GIGYF2: variants seen among roughly 807,000 people sequenced by gnomAD.
GIGYF2 encodes the protein GRB10-interacting GYF protein 2.
Under a neutral mutation model 208.1 loss-of-function variants are expected in GIGYF2, and 25 were observed. The observed-to-expected ratio is 0.12, with a 90% CI of 0.09 to 0.17. The LOEUF (loss-of-function observed/expected upper bound fraction) is 0.17, where lower values mean the gene tolerates loss of function less well. Among genes scored for constraint, GIGYF2 ranks in the 10% least tolerant of loss-of-function variants. The pLI is 1.00. For missense variants in GIGYF2, 1,302 were observed against 1,579.4 expected (o/e 0.82, Z 2.98); for synonymous variants, 534 against 543.8 (o/e 0.98, Z 0.25).
chr2:232,704,206 A>C (rs2106243871), intron 2 of GIGYF2, among the ~76,000 whole-genome samples: 1 of 152,244 alleles, frequency 6.6e-6, no homozygotes, highest in South Asian at 2.1e-4. Flanking sequence ...TAGAATGGTG[A>C]CTATTCTAGG....
At chr2:232,768,949 T>C in intron 8 of GIGYF2, 1 of 712,248 alleles carries the variant, frequency 1.4e-6, no homozygotes, top group Non-Finnish European at 2.3e-6. Context: ...ATTGAACTCA[T>C]TGTTAATTTG....
intron 2 of GIGYF2, among the ~76,000 whole-genome samples, chr2:232,721,221 C>G (rs1020142172): frequency 6.6e-6 from 1 of 152,186 alleles, no homozygotes; most frequent in Non-Finnish European, 1.5e-5. Flanking sequence ...TCCACTATGC[C>G]ATGCATTCCT....
intron 2 of GIGYF2, among the ~76,000 whole-genome samples, chr2:232,709,420 C>G (rs1282146725): frequency 6.6e-6 from 1 of 152,182 alleles, no homozygotes; most frequent in Non-Finnish European, 1.5e-5. Context: ...AACTCCTGAG[C>G]TAAAGTGATT....
intron 21 of GIGYF2, among the ~76,000 whole-genome samples, chr2:232,824,714 G>A (rs1374246449): frequency 6.6e-6 from 1 of 152,180 alleles, no homozygotes; most frequent in African/African-American, 2.4e-5. Flanking sequence ...CATTGATGAA[G>A]GTGGTTGCAC....
chr2:232,749,884 T>C (rs145954937), intron 5 of GIGYF2, among the ~76,000 whole-genome samples: 381 of 152,198 alleles, frequency 2.5e-3, no homozygotes, highest in African/African-American at 8.3e-3. Flanking sequence ...CTATGAAATT[T>C]TGAACGACAA....
intron 8 of GIGYF2, among the ~76,000 whole-genome samples, chr2:232,774,690 AT>A (rs1699437873): frequency 6.6e-6 from 1 of 152,168 alleles, no homozygotes; most frequent in South Asian, 2.1e-4. Flanking sequence ...CTATGTGAAA[AT>A]GCCCCTCATG....
rs1479877455 is a variant in GIGYF2, at chr2:232,836,351, TATATATATAAATATAA to T, written c.2766+3300_2766+3315del. ...ATATACATATATATACTTATATATT[TATATATATAAATATAA>T]ATATATATAAATATAAATATATATA... On this transcript the variant is annotated intron_variant, in intron 22 of 28. Coordinates refer to ENST00000373563, the MANE Select transcript of GIGYF2 (RefSeq NM_001103146.3). Among the ~76,000 whole-genome samples, 279 of 35,882 alleles carry T rather than the reference TATATATATAAATATAA, an allele frequency of 7.8e-3. 50 individuals are homozygous for T. Among genetic ancestry groups the T allele is most frequent in the African/African-American group, 0.01 (81 of 8,016 alleles). The allele number at this position is 35,882 out of a possible 152,430, so 23.5% of individuals were successfully genotyped here.
rs779495625 is a variant in GIGYF2 at position 232,856,780 on chromosome 2, T to TA, written c.3833-13_3833-12insA. The TA allele has an allele frequency of 6.2e-7, 1 of 1,606,898 alleles. No homozygotes were observed. The highest frequency in any genetic ancestry group is 8.5e-7 in the Non-Finnish European group (1 of 1,173,386). On this transcript the variant is annotated splice_polypyrimidine_tract_variant and intron_variant, in intron 28 of 28. Transcript: ENST00000373563. ...CTGGGTGTGGTCACTCATAGCCAGT[T>TA]TTTTTTCTGCAGGATTTTCAGTCAA...
chr2:232,769,505 C>CAAAAAA (rs34912964), intron 8 of GIGYF2, among the ~76,000 whole-genome samples: 1 of 66,522 alleles, frequency 1.5e-5, no homozygotes, highest in Non-Finnish European at 3.2e-5. Context: ...GACTCCATCT[C>CAAAAAA]AAAAAAAAAA....
chr2:232,844,444 T>C lies in GIGYF2; in HGVS notation c.3175T>C (p.Ser1059Pro). The C allele has an allele frequency of 2.5e-6, 4 of 1,612,788 alleles. No homozygotes were observed. The highest frequency in any genetic ancestry group is 1.3e-5 in the African/African-American group (1 of 75,036). Residue 1059 changes from serine (S) to proline (P), a missense_variant, in exon 25 of 29, where the codon TCT (serine) becomes CCT (proline). Physicochemically the swap from Ser to Pro is moderately conservative, Grantham distance 74 (BLOSUM62 -1). Coordinates refer to ENST00000373563, the MANE Select transcript of GIGYF2 (RefSeq NM_001103146.3). ...INTGPPNQWA[S>P]DLVSSIWSNA... is the part of the protein sequence containing the mutation. ...TACTGGTCCTCCTAACCAGTGGGCA[T>C]CTGACCTAGTCAGTAGTATTTGGAG...
At chr2:232,739,371 C>CG (rs1410935871) in intron 3 of GIGYF2, among the ~76,000 whole-genome samples, 1 of 136,196 alleles carries the variant, frequency 7.3e-6, no homozygotes. Context: ...ACCCCCCCCC[C>CG]CCCGCAAAAA....
At chr2:232,709,999 G>A (rs537625175) in intron 2 of GIGYF2, among the ~76,000 whole-genome samples, 3 of 151,414 alleles carry the variant, frequency 2.0e-5, no homozygotes, top group Admixed American at 6.6e-5. Context: ...TTGCTTTGTC[G>A]CCCAGGCTGG....
intron 3 of GIGYF2, among the ~76,000 whole-genome samples, chr2:232,743,400 G>A (rs1698039855): frequency 6.6e-6 from 1 of 152,200 alleles, no homozygotes; most frequent in Admixed American, 6.5e-5. Flanking sequence ...GTATGGAGGA[G>A]ATAAAGATCA....
At chr2:232,835,821 A>G (rs1164022219) in intron 22 of GIGYF2, among the ~76,000 whole-genome samples, 1 of 151,540 alleles carries the variant, frequency 6.6e-6, no homozygotes, top group Admixed American at 6.6e-5. Flanking sequence ...CAGCTGTTTC[A>G]CTCCACTTAT....
At chr2:232,790,677 G>A in intron 9 of GIGYF2, 21 bp from the exon 10 acceptor site, 4 of 1,583,066 alleles carry the variant, frequency 2.5e-6, no homozygotes, top group East Asian at 2.2e-5. Flanking sequence ...TCTAAGGTTT[G>A]TGTCCTCCTT....
At chr2:232,828,785 G>A (rs898596888) in intron 21 of GIGYF2, 1 of 152,012 alleles carries the variant, frequency 6.6e-6, no homozygotes, top group Non-Finnish European at 1.5e-5. Context: ...TATATACAGT[G>A]TGTAGAGATG....
chr2:232,827,149 G>T (rs1701274140), intron 21 of GIGYF2, among the ~76,000 whole-genome samples: 1 of 147,496 alleles, frequency 6.8e-6, no homozygotes, highest in African/African-American at 2.5e-5. Context: ...GTTGAAGCCA[G>T]TGCTCATTTA....
At chr2:232,734,554 C>T (rs565056686) in intron 2 of GIGYF2, 1 of 152,250 alleles carries the variant, frequency 6.6e-6, no homozygotes, top group South Asian at 2.1e-4. Context: ...GCAGTAGGCT[C>T]GAGAGGCTGA....
At chr2:232,767,933 C>A in intron 8 of GIGYF2, 1 of 460,910 alleles carries the variant, frequency 2.2e-6, no homozygotes, top group Non-Finnish European at 3.9e-6. Flanking sequence ...CTTATAAATT[C>A]ACCAGCAACA....
Sources: allele counts gnomAD v4.1 joint callset (sites outside exome capture counted in the v4.1 genomes callset), GRCh38; gene constraint gnomAD v4.1.1; transcripts MANE v1.5; gene names NCBI Gene and HGNC (gene_info 2026-07-23, HGNC 2026-07-21).